Variants in CHL1 observed in about 807,000 individuals in gnomAD.
CHL1 encodes the protein cell adhesion molecule L1 like.
In CHL1, 96 loss-of-function variants were observed where a neutral mutation model predicts 141.9. That is an observed-to-expected ratio of 0.68 (90% CI 0.57 to 0.80). The LOEUF (loss-of-function observed/expected upper bound fraction) is 0.80. CHL1 is among the 30% of genes least tolerant of loss of function. The pLI is 0.00. For missense variants in CHL1, 1,820 were observed against 1,457.2 expected (o/e 1.25, Z -4.05); for synonymous variants, 613 against 502.2 (o/e 1.22, Z -2.95).
chr3:337,260 T>A (rs1391662215), intron 5 of CHL1, among the ~76,000 whole-genome samples: 1 of 147,700 alleles, frequency 6.8e-6, no homozygotes, highest in African/African-American at 2.5e-5. Flanking sequence ...GCACAATCTC[T>A]GCTCACTGCA....
At chr3:382,120 G>A (rs1381407160) in intron 16 of CHL1, 59 bp from the exon 17 acceptor site, 8 of 1,467,890 alleles carry the variant, frequency 5.5e-6, no homozygotes, top group Non-Finnish European at 7.6e-6. Context: ...ATGTGTCTGA[G>A]GAAGGGAATC....
intron 20 of CHL1, among the ~76,000 whole-genome samples, chr3:390,182 G>T (rs1380534059): frequency 1.3e-5 from 2 of 152,126 alleles, no homozygotes; most frequent in Non-Finnish European, 2.9e-5. Context: ...TATCACAAGT[G>T]AATTAAGATA....
intron 23 of CHL1, among the ~76,000 whole-genome samples, chr3:392,836 A>G (rs1453498517): frequency 6.6e-6 from 1 of 152,234 alleles, no homozygotes; most frequent in African/African-American, 2.4e-5. Context: ...AGACTTTAGC[A>G]CTTTTACGTG....
At chr3:333,072 T>C (rs1476402109) in intron 5 of CHL1, among the ~76,000 whole-genome samples, 1 of 147,160 alleles carries the variant, frequency 6.8e-6, no homozygotes, top group Non-Finnish European at 1.5e-5. Context: ...ATGAGAGTAT[T>C]GTATTAAGAG....
intron 2 of CHL1, among the ~76,000 whole-genome samples, chr3:254,644 A>G (rs1693994411): frequency 6.6e-6 from 1 of 152,142 alleles, no homozygotes; most frequent in African/African-American, 2.4e-5. Context: ...GTAGAAATTT[A>G]TGTCTCACAG....
chr3:316,030 T>C (rs1240541656), intron 2 of CHL1, among the ~76,000 whole-genome samples: 1 of 151,932 alleles, frequency 6.6e-6, no homozygotes, highest in Non-Finnish European at 1.5e-5. Flanking sequence ...TTCGATCAGG[T>C]GTGACGTTTA....
chr3:241,071 C>G (rs2125090034), intron 1 of CHL1, among the ~76,000 whole-genome samples: 1 of 151,946 alleles, frequency 6.6e-6, no homozygotes, highest in South Asian at 2.1e-4. Flanking sequence ...TAATATATGC[C>G]CTTATGGAAC....
intron 20 of CHL1, among the ~76,000 whole-genome samples, chr3:390,170 C>T (rs1392683098): frequency 6.6e-6 from 1 of 152,190 alleles, no homozygotes; most frequent in South Asian, 2.1e-4. Flanking sequence ...ACACAAAACA[C>T]ATATCACAAG....
intron 1 of CHL1, among the ~76,000 whole-genome samples, chr3:201,197 CATT>C (rs1698901497): frequency 6.6e-6 from 1 of 152,182 alleles, no homozygotes; most frequent in South Asian, 2.1e-4. Flanking sequence ...GGCAACCTGA[CATT>C]ATTCTGCCAT....
At chr3:313,075 T>TC (rs372163996) in intron 2 of CHL1, among the ~76,000 whole-genome samples, 119 of 152,260 alleles carry the variant, frequency 7.8e-4, no homozygotes, top group African/African-American at 2.6e-3. Flanking sequence ...TGCTTTTTTT[T>TC]CCCTTCTTTT....
intron 2 of CHL1, among the ~76,000 whole-genome samples, chr3:291,675 T>C (rs1274564262): frequency 6.6e-6 from 1 of 152,122 alleles, no homozygotes; most frequent in African/African-American, 2.4e-5. Flanking sequence ...AATAAGAGAT[T>C]TTTAGAGGTC....
intron 5 of CHL1, among the ~76,000 whole-genome samples, chr3:339,031 C>T (rs1034248859): frequency 2.0e-5 from 3 of 152,106 alleles, no homozygotes; most frequent in Admixed American, 6.5e-5. Context: ...TGCTTGTTAT[C>T]GAAGTGGATT....
intron 1 of CHL1, among the ~76,000 whole-genome samples, chr3:227,334 T>A (rs903166889): frequency 6.6e-6 from 1 of 152,174 alleles, no homozygotes; most frequent in Non-Finnish European, 1.5e-5. Flanking sequence ...AGAATACAAA[T>A]ACACCTGTGT....
At chr3:339,423 G>A (rs1358211618) in intron 5 of CHL1, among the ~76,000 whole-genome samples, 1 of 152,166 alleles carries the variant, frequency 6.6e-6, no homozygotes, top group Non-Finnish European at 1.5e-5. Flanking sequence ...TAGCAAAAAT[G>A]TGATTCAAAG....
chr3:320,848 G>GT (rs1345170484), intron 3 of CHL1, among the ~76,000 whole-genome samples: 3 of 151,938 alleles, frequency 2.0e-5, no homozygotes, highest in Non-Finnish European at 4.4e-5. Context: ...ATTTTTATCC[G>GT]TATCATTCAG....
At chr3:376,649 G>A (rs1257608892) in intron 15 of CHL1, among the ~76,000 whole-genome samples, 2 of 152,202 alleles carry the variant, frequency 1.3e-5, no homozygotes, top group African/African-American at 2.4e-5. Flanking sequence ...GGGCACAGAA[G>A]TCCTATTTCA....
rs143960339 is a variant in CHL1 at position 292,154 on chromosome 3, G to A, written c.-94-27529G>A. On this transcript the variant is annotated intron_variant, in intron 2 of 27. Coordinates refer to ENST00000256509, the MANE Select transcript of CHL1 (RefSeq NM_006614.4). ...CCTCACAAATTGACTCCTTAGAAAT[G>A]CTGACTCTGTGTTTCAAATCTTATA... Among the ~76,000 whole-genome samples, 1,384 of 152,306 alleles carry A rather than the reference G, an allele frequency of 9.1e-3. 28 individuals are homozygous for A. Among genetic ancestry groups the A allele is most frequent in the African/African-American group, 0.032 (1,318 of 41,558 alleles).
intron 1 of CHL1, among the ~76,000 whole-genome samples, chr3:201,535 G>A (rs1185063605): frequency 6.6e-6 from 1 of 151,970 alleles, no homozygotes; most frequent in Non-Finnish European, 1.5e-5. Context: ...TGTGTGTGAT[G>A]CTTATATACA....
At chr3:263,506 T>A (rs140310020) in intron 2 of CHL1, among the ~76,000 whole-genome samples, 15 of 152,366 alleles carry the variant, frequency 9.8e-5, no homozygotes, top group African/African-American at 3.4e-4. Context: ...GTTCATTTGT[T>A]ACTGGAAACT....
Sources: gnomAD v4.1 joint callset for allele counts (sites outside exome capture counted in the v4.1 genomes callset) on GRCh38, gnomAD v4.1.1 for gene constraint, MANE v1.5 for transcripts, NCBI Gene and HGNC (gene_info 2026-07-23, HGNC 2026-07-21) for gene names.